LIMCH1: variants seen among roughly 807,000 people sequenced by gnomAD.
LIMCH1 encodes the protein LIM and calponin homology domains 1.
Under a neutral mutation model 176.5 loss-of-function variants are expected in LIMCH1, and 113 were observed. The ratio of observed to expected loss-of-function variants is 0.64; its 90% confidence interval spans 0.55 to 0.75. The LOEUF is 0.75. Among genes scored for constraint, LIMCH1 ranks in the 30% least tolerant of loss-of-function variants. The pLI, the probability that LIMCH1 is intolerant of heterozygous loss-of-function variation, is 0.00. For missense variants in LIMCH1, 1,674 were observed against 1,814.9 expected (o/e 0.92, Z 1.41); for synonymous variants, 619 against 645.9 (o/e 0.96, Z 0.63).
chr4:41,422,144 C>T (rs2060657402), intron 1 of LIMCH1, among the ~76,000 whole-genome samples: 1 of 152,156 alleles, frequency 6.6e-6, no homozygotes, highest in South Asian at 2.1e-4. Context: ...AGACTTTTCT[C>T]AATGGTGCTG....
At chr4:41,584,963 C>G (rs1390501452) in intron 1 of LIMCH1, among the ~76,000 whole-genome samples, 1 of 152,102 alleles carries the variant, frequency 6.6e-6, no homozygotes, top group Non-Finnish European at 1.5e-5. Flanking sequence ...AGATGACCAT[C>G]TTCTTTCTTT....
At chr4:41,651,598 C>G (rs1005159661) in intron 18 of LIMCH1, among the ~76,000 whole-genome samples, 5 of 152,134 alleles carry the variant, frequency 3.3e-5, no homozygotes, top group Admixed American at 6.6e-5. Context: ...CTTTTCCCCC[C>G]CTGTTTATTT....
chr4:41,542,604 T>C (rs2078818350), intron 1 of LIMCH1, among the ~76,000 whole-genome samples: 1 of 152,208 alleles, frequency 6.6e-6, no homozygotes, highest in African/African-American at 2.4e-5. Context: ...TTAAATAGGC[T>C]GTGCTATTTC....
intron 1 of LIMCH1, among the ~76,000 whole-genome samples, chr4:41,580,719 C>A (rs76486950): frequency 6.6e-6 from 1 of 151,776 alleles, no homozygotes; most frequent in South Asian, 2.1e-4. Context: ...TAAATAAATC[C>A]GAAAGCTGTT....
intron 1 of LIMCH1, among the ~76,000 whole-genome samples, chr4:41,450,609 A>G (rs1015805556): frequency 3.3e-5 from 5 of 151,830 alleles, no homozygotes; most frequent in African/African-American, 4.8e-5. Flanking sequence ...CGCCTGGTCA[A>G]TGTGGTGAAA....
intron 1 of LIMCH1, among the ~76,000 whole-genome samples, chr4:41,460,521 A>AT (rs1232484172): frequency 6.9e-4 from 100 of 144,502 alleles, no homozygotes; most frequent in African/African-American, 2.5e-3. Context: ...ACACAAAAAG[A>AT]TTTTTTTTAA....
At chr4:41,631,574 A>G in intron 10 of LIMCH1, 97 bp downstream of exon 10, 1 of 1,039,286 alleles carries the variant, frequency 9.6e-7, no homozygotes, top group Non-Finnish European at 1.4e-6. Context: ...CCTAGAGATG[A>G]CATAGTTTTA....
chr4:41,611,263 T>C (rs1382887415), intron 4 of LIMCH1, among the ~76,000 whole-genome samples: 1 of 152,242 alleles, frequency 6.6e-6, no homozygotes, highest in African/African-American at 2.4e-5. Flanking sequence ...GCTGTACATA[T>C]AGTCTAGGTG....
At chr4:41,454,673 G>C (rs1235672525) in intron 1 of LIMCH1, among the ~76,000 whole-genome samples, 1 of 152,152 alleles carries the variant, frequency 6.6e-6, no homozygotes, top group African/African-American at 2.4e-5. Flanking sequence ...ACATTTCACA[G>C]CTATTGCTAA....
chr4:41,506,987 C>T (rs2074255693), intron 2 of LIMCH1, among the ~76,000 whole-genome samples: 2 of 152,184 alleles, frequency 1.3e-5, no homozygotes, highest in Admixed American at 6.5e-5. Context: ...AACTTCTGTC[C>T]ACTTGGCTAC....
At chr4:41,637,015 A>G (rs1209419107) in intron 13 of LIMCH1, among the ~76,000 whole-genome samples, 1 of 152,262 alleles carries the variant, frequency 6.6e-6, no homozygotes, top group East Asian at 1.9e-4. Context: ...CATAGCAACT[A>G]TTAATAGATT....
intron 1 of LIMCH1, among the ~76,000 whole-genome samples, chr4:41,439,641 A>G (rs1044957225): frequency 2.0e-5 from 3 of 152,012 alleles, no homozygotes; most frequent in African/African-American, 7.3e-5. Flanking sequence ...GCAGTGTGTC[A>G]CGCTTGGAAT....
At chr4:41,426,522 T>C (rs2061122313) in intron 1 of LIMCH1, among the ~76,000 whole-genome samples, 1 of 152,236 alleles carries the variant, frequency 6.6e-6, no homozygotes, top group African/African-American at 2.4e-5. Context: ...ATGCTTAGAG[T>C]AATTCAGATA....
At chr4:41,370,803 A>T (rs2053847128) in intron 1 of LIMCH1, among the ~76,000 whole-genome samples, 2 of 152,178 alleles carry the variant, frequency 1.3e-5, no homozygotes, top group African/African-American at 4.8e-5. Flanking sequence ...AGGTGCTTGC[A>T]TGAGGTGGTA....
intron 1 of LIMCH1, among the ~76,000 whole-genome samples, chr4:41,401,729 C>T (rs2058462696): frequency 6.6e-6 from 1 of 152,090 alleles, no homozygotes; most frequent in Non-Finnish European, 1.5e-5. Context: ...TTGTAGTTCT[C>T]CTTGAAGAGG....
At chr4:41,628,634 G>T (rs1356490025) in intron 8 of LIMCH1, among the ~76,000 whole-genome samples, 1 of 152,010 alleles carries the variant, frequency 6.6e-6, no homozygotes, top group Non-Finnish European at 1.5e-5. Flanking sequence ...TATTTTTTGA[G>T]ATTTTTCTAT....
At chr4:41,528,138 A>G (rs2076878410) in intron 3 of LIMCH1, among the ~76,000 whole-genome samples, 1 of 152,132 alleles carries the variant, frequency 6.6e-6, no homozygotes, top group Non-Finnish European at 1.5e-5. Flanking sequence ...CATGTATACA[A>G]CCAATCCTCA....
intron 3 of LIMCH1, among the ~76,000 whole-genome samples, chr4:41,524,845 G>C (rs2076464078): frequency 6.6e-6 from 1 of 152,168 alleles, no homozygotes; most frequent in African/African-American, 2.4e-5. Flanking sequence ...GGGAGGTAGA[G>C]AGAAAGAGAA....
chr4:41,539,334 C>G (rs2078329249), intron 1 of LIMCH1, among the ~76,000 whole-genome samples: 1 of 152,118 alleles, frequency 6.6e-6, no homozygotes, highest in Non-Finnish European at 1.5e-5. Flanking sequence ...AGGGGTTTGT[C>G]CTGTGCTGCG....
Sources: gnomAD v4.1 joint callset for allele counts (sites outside exome capture counted in the v4.1 genomes callset) on GRCh38, gnomAD v4.1.1 for gene constraint, MANE v1.5 for transcripts, NCBI Gene and HGNC (gene_info 2026-07-23, HGNC 2026-07-21) for gene names.